ERFL: variants seen among roughly 807,000 people sequenced by gnomAD.
ERFL encodes ETS repressor factor like, also known as ETS domain-containing transcription factor ERF-like.
ERFL carries 8 observed loss-of-function variants against 27.9 expected under a neutral mutation model. The observed-to-expected ratio is 0.29, with a 90% CI of 0.17 to 0.52. The LOEUF (loss-of-function observed/expected upper bound fraction) is 0.52, where lower values mean the gene tolerates loss of function less well. Ranked by LOEUF, ERFL falls within the 20% of genes least tolerant of loss-of-function variation. The pLI, the probability that ERFL is intolerant of heterozygous loss-of-function variation, is 0.97. For synonymous variants in ERFL, 174 were observed against 202.8 expected, an observed-to-expected ratio of 0.86 and a Z score of 1.21; for missense variants, 294 against 444.4, an observed-to-expected ratio of 0.66 and a Z score of 3.04.
chr19:41,927,475 C>T (rs1178426930), intron 1 of ERFL, among the ~76,000 whole-genome samples: 1 of 152,088 alleles, frequency 6.6e-6, no homozygotes, highest in Non-Finnish European at 1.5e-5. Context: ...CAAGTCCAAA[C>T]TCCTATGCTG....
At position 41,917,442 on chromosome 19, in the gene ERFL, C is replaced by A. The variant is rs1365392040; in HGVS notation, c.-13-4510G>T. On this transcript the variant is annotated intron_variant, in intron 1 of 5. Coordinates refer to ENST00000597630, the MANE Select transcript of ERFL (RefSeq NM_001365103.2). The surrounding 1 kb of genome is among the most constrained non-coding windows in gnomAD (Gnocchi z 4.8). ...CTCGGGAGCCGCCTCGGGCCTCGCA[C>A]CCCCACCACCAGCCCCTTCATCCCT... is the stretch of plus-strand genomic sequence containing the variant. Among the ~76,000 whole-genome samples, 1 of 151,856 alleles carries A rather than the reference C, an allele frequency of 6.6e-6. No homozygotes were observed. Among genetic ancestry groups the A allele is most frequent in the African/African-American group, 2.4e-5 (1 of 41,326 alleles).
At chr19:41,927,562 C>A (rs1160718988) in intron 1 of ERFL, among the ~76,000 whole-genome samples, 1 of 152,130 alleles carries the variant, frequency 6.6e-6, no homozygotes, top group African/African-American at 2.4e-5. Flanking sequence ...ATATCTAGAT[C>A]TTCCGCCCCA....
At chr19:41,913,568 C>T (rs1382116499) in intron 1 of ERFL, among the ~76,000 whole-genome samples, 1 of 151,512 alleles carries the variant, frequency 6.6e-6, no homozygotes, top group Non-Finnish European at 1.5e-5. Context: ...GGGCAGCCCC[C>T]AGCGCCCTGC....
At chr19:41,918,617 C>T (rs1231685502) in intron 1 of ERFL, among the ~76,000 whole-genome samples, 1 of 142,096 alleles carries the variant, frequency 7.0e-6, no homozygotes, top group Non-Finnish European at 1.5e-5. Context: ...AAACCACACA[C>T]ACCACATCAC....
intron 1 of ERFL, among the ~76,000 whole-genome samples, chr19:41,924,138 A>G (rs2074858536): frequency 6.6e-6 from 1 of 151,340 alleles, no homozygotes; most frequent in African/African-American, 2.4e-5. Flanking sequence ...GTGAGCCTGG[A>G]GAGTAGGGGA....
chr19:41,908,032 T>C lies in ERFL; in HGVS notation c.*196A>G. ...AGCCTGGGGAGGAGGCCGGAGGCCA[T>C]CACATTCCCTCTGTCCTCTGTGGAG... On this transcript the variant is annotated 3_prime_UTR_variant, in exon 6 of 6. Transcript: ENST00000597630. This position sits in a 1 kb window ranked among gnomAD's most constrained non-coding sequence, Gnocchi z 6.7. The C allele has an allele frequency of 4.6e-6, 2 of 436,974 alleles. No individual in the cohort carries two copies. 27.1% of individuals were successfully genotyped at this position (436,974 alleles called of 1,614,324 possible).
chr19:41,920,875 T>C (rs1231710777), intron 1 of ERFL, among the ~76,000 whole-genome samples: 1 of 151,874 alleles, frequency 6.6e-6, no homozygotes, highest in Non-Finnish European at 1.5e-5. Context: ...GGCCTGTGGG[T>C]GGGGCAGGGG....
intron 1 of ERFL, among the ~76,000 whole-genome samples, chr19:41,915,992 T>C (rs1273815069): frequency 6.6e-6 from 1 of 151,902 alleles, no homozygotes; most frequent in South Asian, 2.1e-4. Flanking sequence ...AGCTTTAATT[T>C]TTAATTTTAT....
intron 1 of ERFL, among the ~76,000 whole-genome samples, chr19:41,922,925 T>A (rs1363251015): frequency 6.6e-6 from 1 of 152,142 alleles, no homozygotes; most frequent in Non-Finnish European, 1.5e-5. Context: ...AGGGGATGCC[T>A]CTGCCCACCT....
chr19:41,921,287 G>A lies in ERFL; in HGVS notation c.-14+6753C>T, dbSNP rs2074840883. Among the ~76,000 whole-genome samples the A allele has an allele frequency of 6.6e-6, 1 of 152,148 alleles. No individual in the cohort carries two copies. Among genetic ancestry groups the A allele is most frequent in the Admixed American group, 6.5e-5 (1 of 15,292 alleles). ...CAGAGAAGGGGAGACATGCAGGGAG[G>A]AAGAGAGACCGAGGGGGTGGAGCGT... is the stretch of plus-strand genomic sequence containing the variant. On this transcript the variant is annotated intron_variant, in intron 1 of 5. Transcript: ENST00000597630. The surrounding 1 kb of genome is among the most constrained non-coding windows in gnomAD (Gnocchi z 4.4).
intron 1 of ERFL, among the ~76,000 whole-genome samples, chr19:41,926,264 C>T (rs782357727): frequency 2.0e-5 from 3 of 151,182 alleles, no homozygotes; most frequent in Non-Finnish European, 4.4e-5. Context: ...GTGAGGGGGA[C>T]AAGTGTTACC....
intron 1 of ERFL, among the ~76,000 whole-genome samples, chr19:41,924,878 G>A (rs1454319272): frequency 1.3e-5 from 2 of 152,140 alleles, no homozygotes; most frequent in African/African-American, 2.4e-5. Context: ...AGATCTGAAG[G>A]TTTCTTCCTA....
At chr19:41,922,991 G>C (rs2074850932) in intron 1 of ERFL, 1 of 373,594 alleles carries the variant, frequency 2.7e-6, no homozygotes, top group Non-Finnish European at 5.3e-6. Flanking sequence ...CAGGTGAAGG[G>C]AATGTGAGGG....
intron 1 of ERFL, among the ~76,000 whole-genome samples, chr19:41,919,295 A>C (rs2074823337): frequency 1.3e-5 from 2 of 152,124 alleles, no homozygotes; most frequent in Non-Finnish European, 2.9e-5. Flanking sequence ...TCACACACAG[A>C]CTTCGGCACA....
intron 1 of ERFL, among the ~76,000 whole-genome samples, chr19:41,918,850 A>G (rs2074820242): frequency 6.8e-6 from 1 of 146,816 alleles, no homozygotes; most frequent in Non-Finnish European, 1.5e-5. Flanking sequence ...TACACTACCC[A>G]TCAGACACAC....
chr19:41,927,870 G>A (rs1326068288), intron 1 of ERFL, among the ~76,000 whole-genome samples, 170 bp downstream of exon 1: 4 of 151,494 alleles, frequency 2.6e-5, no homozygotes, highest in Non-Finnish European at 4.4e-5. Context: ...GTTGGGCGCT[G>A]CCCCACCTGC....
In ERFL at chr19:41,916,573, G is replaced by A. The variant is rs1267665762; in HGVS notation, c.-13-3641C>T. On this transcript the variant is annotated intron_variant, in intron 1 of 5. Coordinates refer to ENST00000597630, the MANE Select transcript of ERFL (RefSeq NM_001365103.2). The surrounding 1 kb of genome is among the most constrained non-coding windows in gnomAD (Gnocchi z 5.4). ...CTGTGTAAACACATAATCACACACT[G>A]AGGCTCACAATCAAATACAGAAACC... Among the ~76,000 whole-genome samples, 1 of 151,992 alleles carries A rather than the reference G, an allele frequency of 6.6e-6. No individual in the cohort carries two copies. The highest frequency in any genetic ancestry group is 1.5e-5 in the Non-Finnish European group (1 of 68,012).
rs2074843907 is a variant in ERFL, at chr19:41,921,817, G to A, written c.-14+6223C>T. Among the ~76,000 whole-genome samples, 1 of 151,968 alleles carries A rather than the reference G, an allele frequency of 6.6e-6. No individual in the cohort carries two copies. Among genetic ancestry groups the A allele is most frequent in the African/African-American group, 2.4e-5 (1 of 41,324 alleles). On this transcript the variant is annotated intron_variant, in intron 1 of 5. Coordinates refer to ENST00000597630, the MANE Select transcript of ERFL (RefSeq NM_001365103.2). The surrounding 1 kb of genome is among the most constrained non-coding windows in gnomAD (Gnocchi z 4.4). ...CTCCGCCCCACCTCGCCCTTCTTCA[G>A]TCCTAGGAGGTTGGTGTCCCCTGGG... is the stretch of plus-strand genomic sequence containing the variant.
intron 2 of ERFL, among the ~76,000 whole-genome samples, chr19:41,911,892 A>G (rs1167683081): frequency 1.3e-5 from 2 of 151,790 alleles, no homozygotes; most frequent in Non-Finnish European, 2.9e-5. Flanking sequence ...TGACAGACAA[A>G]CCCCCAGAAT....
Sources: allele counts gnomAD v4.1 joint callset (sites outside exome capture counted in the v4.1 genomes callset), GRCh38; gene constraint gnomAD v4.1.1; non-coding constraint Gnocchi (gnomAD v3.1); transcripts MANE v1.5; gene names NCBI Gene and HGNC (gene_info 2026-07-23, HGNC 2026-07-21).